Variants in SLC10A1 observed in about 807,000 individuals in gnomAD.
The protein encoded by SLC10A1 is hepatic sodium/bile acid cotransporter.
A neutral mutation model predicts 20.5 loss-of-function variants in SLC10A1; 36 were observed. The observed-to-expected ratio is 1.75, with a 90% CI of 1.34 to 2.32. The LOEUF (loss-of-function observed/expected upper bound fraction) is 2.32, where lower values mean the gene tolerates loss of function less well. Among genes scored for constraint, SLC10A1 ranks in the 30% most tolerant of loss-of-function variants. The probability of loss-of-function intolerance (pLI) is 0.00; values close to 1 mark genes in which losing one functional copy is unlikely to be tolerated. For synonymous variants in SLC10A1, 188 were observed against 163.6 expected (o/e 1.15, Z -1.14); for missense variants, 545 against 439.1 (o/e 1.24, Z -2.16).
intron 4 of SLC10A1, among the ~76,000 whole-genome samples, chr14:69,777,316 A>T (rs1211565374): frequency 6.6e-6 from 1 of 152,256 alleles, no homozygotes; most frequent in African/African-American, 2.4e-5. Flanking sequence ...CTGCTTGGCA[A>T]CCTAATTACA....
rs1451576888 is a variant in SLC10A1, at chr14:69,779,348, T to G, written c.580A>C (p.Ile194Leu). Residue 194 changes from isoleucine to leucine, a missense_variant, in exon 3 of 5, where the codon ATC becomes CTC. By Grantham distance (5) the Ile-to-Leu change is conservative (BLOSUM62 2). Transcript: ENST00000216540. ...ACGGCCACACTGCACAAGAGAATGA[T>G]GATCATCCCTCCCTGGGAATGAAGA... ...MRYVIKGGMIIILLCSVAVTV... is the reference protein window; with the variant it reads ...MRYVIKGGMILILLCSVAVTV... 1.9e-6 allele frequency: 3 copies of G among 1,609,858 alleles called. No homozygotes were observed. The highest frequency in any genetic ancestry group is 1.7e-5 in the Admixed American group (1 of 59,856).
At chr14:69,781,884 G>A (rs565172579) in intron 2 of SLC10A1, among the ~76,000 whole-genome samples, 2 of 152,178 alleles carry the variant, frequency 1.3e-5, no homozygotes, top group African/African-American at 2.4e-5. Context: ...GGTTGAACCC[G>A]GTGTGAGCAG....
chr14:69,791,347 T>C (rs1287122980), intron 1 of SLC10A1, among the ~76,000 whole-genome samples: 3 of 151,704 alleles, frequency 2.0e-5, no homozygotes, highest in African/African-American at 7.3e-5. Flanking sequence ...GTCACCCAGG[T>C]TGGAGTGCAG....
intron 1 of SLC10A1, among the ~76,000 whole-genome samples, chr14:69,788,017 G>GCCACT (rs1555352871): frequency 6.6e-6 from 1 of 151,870 alleles, no homozygotes; most frequent in Non-Finnish European, 1.5e-5. Flanking sequence ...CTATGTTAGC[G>GCCACT]CCACTCCACT....
intron 1 of SLC10A1, among the ~76,000 whole-genome samples, chr14:69,790,573 TCAA>T (rs1883812968): frequency 6.6e-6 from 1 of 152,018 alleles, no homozygotes; most frequent in African/African-American, 2.4e-5. Flanking sequence ...TATAGAAAAG[TCAA>T]CAAAATTTAA....
intron 2 of SLC10A1, among the ~76,000 whole-genome samples, chr14:69,785,873 T>G (rs1374741647): frequency 6.6e-6 from 1 of 151,558 alleles, no homozygotes; most frequent in African/African-American, 2.4e-5. Flanking sequence ...CTTCCCAAAG[T>G]GTTGGGATTA....
At chr14:69,787,108 A>G (rs1310970897) in intron 1 of SLC10A1, among the ~76,000 whole-genome samples, 2 of 152,214 alleles carry the variant, frequency 1.3e-5, no homozygotes, top group African/African-American at 4.8e-5. Context: ...TTTGCTTTGC[A>G]TCTTGGATAG....
chr14:69,776,400 A>C lies in SLC10A1; in HGVS notation c.944-12T>G, dbSNP rs774853385. The C allele has an allele frequency of 6.2e-7, 1 of 1,600,548 alleles. No homozygotes were observed. Among genetic ancestry groups the C allele is most frequent in the Admixed American group, 1.7e-5 (1 of 59,994 alleles). On this transcript the variant is annotated splice_polypyrimidine_tract_variant and intron_variant, in intron 4 of 4. Transcript: ENST00000216540. Reference sequence around the variant, plus strand: ...CATTTTTGTTTTATCTGTAAAGTTAAAAAGGGTTACAGGTGTAGAGAGAGA... The same window carrying C: ...CATTTTTGTTTTATCTGTAAAGTTACAAAGGGTTACAGGTGTAGAGAGAGA...
rs1437070918 is a variant in SLC10A1, at chr14:69,778,379, G to GTT, written c.896_897insAA (p.Leu300ThrfsTer21). The GTT allele has an allele frequency of 6.2e-7, 1 of 1,613,412 alleles. No individual in the cohort carries two copies. The highest frequency in any genetic ancestry group is 1.7e-5 in the Admixed American group (1 of 59,892). On this transcript the variant is annotated frameshift_variant, in exon 4 of 5. Coordinates refer to ENST00000216540, the MANE Select transcript of SLC10A1 (RefSeq NM_003049.4). LOFTEE classifies it low-confidence loss of function (END_TRUNC). Reference sequence around the variant, plus strand: ...CATAGCACCAAAATATGGCAATGAGGAGAAGCCCTTCTCCAAGCTGGAAAA... The same window carrying GTT: ...CATAGCACCAAAATATGGCAATGAGGTTAGAAGCCCTTCTCCAAGCTGGAAAA...
chr14:69,783,471 T>A (rs1883644373), intron 2 of SLC10A1, among the ~76,000 whole-genome samples: 1 of 152,124 alleles, frequency 6.6e-6, no homozygotes, highest in Non-Finnish European at 1.5e-5. Flanking sequence ...GTGTTGAGAC[T>A]TAAAGGATGA....
intron 1 of SLC10A1, among the ~76,000 whole-genome samples, chr14:69,795,238 A>T (rs1463073918): frequency 6.6e-6 from 1 of 152,026 alleles, no homozygotes; most frequent in Non-Finnish European, 1.5e-5. Context: ...ACATTGAAAT[A>T]CCTTTCCGTG....
chr14:69,779,059 G>A lies in SLC10A1; in HGVS notation c.746+123C>T, dbSNP rs541961393. 11 of 681,642 alleles carry A rather than the reference G, an allele frequency of 1.6e-5. No homozygotes were observed. In the African/African-American group the frequency reaches 2.0e-4, roughly 12 times the overall value. The allele number at this position is 681,642 out of a possible 1,614,324, so 42.2% of individuals were successfully genotyped here. ...GCCTATAGTCCCAGTTACTTGGGGG[G>A]CTGAGGCAGGAGGATCAGTTAAACC... On this transcript the variant is annotated intron_variant, in intron 3 of 4. Coordinates refer to ENST00000216540, the MANE Select transcript of SLC10A1 (RefSeq NM_003049.4).
At position 69,796,931 on chromosome 14, in the gene SLC10A1, C is replaced by T. The variant is rs4646285; in HGVS notation, c.225G>A (p.Thr75=). ...LVAQYGIMPL[T]AFVLGKVFRL... is the part of the protein sequence containing the mutation. ...GGAAGACCTTGCCCAGCACAAAGGC[C>T]GTGAGGGGCATGATGCCATACTGTG... The change falls in exon 1 of 5, where the codon ACG becomes ACA. Residue 75 remains threonine, a synonymous_variant. Transcript: ENST00000216540. 144,220 of 1,614,094 alleles carry T rather than the reference C, an allele frequency of 0.089. 7,199 individuals are homozygous for T. Among genetic ancestry groups the T allele is most frequent in the Admixed American group, 0.15 (8,764 of 60,008 alleles).
chr14:69,776,080 A>G lies in SLC10A1; in HGVS notation c.*202T>C, dbSNP rs1883438308. The G allele has an allele frequency of 1.8e-6, 1 of 561,202 alleles. No homozygotes were observed. 34.8% of individuals were successfully genotyped at this position (561,202 alleles called of 1,614,324 possible). On this transcript the variant is annotated 3_prime_UTR_variant, in exon 5 of 5. Coordinates refer to ENST00000216540, the MANE Select transcript of SLC10A1 (RefSeq NM_003049.4). ...GAACAAGTCTTTAAAATAAGTAGCA[A>G]ATTCTAAGTTGGGGATAGGTGAGGC... is the stretch of plus-strand genomic sequence containing the variant.
Position 69,797,135 on chromosome 14 carries a change from A to C in SLC10A1, c.21T>G (p.Ser7=). Residue 7 remains serine, a synonymous_variant, in exon 1 of 5, where the codon TCT becomes TCG. Coordinates refer to ENST00000216540, the MANE Select transcript of SLC10A1 (RefSeq NM_003049.4). MEAHNA[S]APFNFTLPPN... ...GTGGCAGGGTGAAGTTGAATGGGGC[A>C]GACGCGTTGTGGGCCTCCATCCTCC... is the stretch of plus-strand genomic sequence containing the variant. 3 of 1,611,744 alleles carry C rather than the reference A, an allele frequency of 1.9e-6. No homozygotes were observed. The highest frequency in any genetic ancestry group is 2.5e-6 in the Non-Finnish European group (3 of 1,178,598).
chr14:69,796,671 C>T, intron 1 of SLC10A1, 129 bp downstream of exon 1: 4 of 769,986 alleles, frequency 5.2e-6, no homozygotes, highest in Non-Finnish European at 8.3e-6. Context: ...GCCAGACTTC[C>T]CCTGCCCTAG....
rs200149939 is a variant in SLC10A1 at position 69,786,111 on chromosome 14, G to A, written c.553C>T (p.Arg185Cys). ...CAGGTTCTTACCTTGATGACATAGC[G>A]CATGTATTGTGGCCGTTTGGATTTG... is the stretch of plus-strand genomic sequence containing the variant. ...VLKSKRPQYMRYVIKGGMIII... is the reference protein window; with the variant it reads ...VLKSKRPQYMCYVIKGGMIII... Residue 185 changes from arginine to cysteine, a missense_variant, in exon 2 of 5, where the codon CGC becomes TGC. Coordinates refer to ENST00000216540, the MANE Select transcript of SLC10A1 (RefSeq NM_003049.4). The A allele has an allele frequency of 5.6e-5, 90 of 1,613,810 alleles. No homozygotes were observed. Among genetic ancestry groups the A allele is most frequent in the East Asian group, 4.5e-4 (20 of 44,892 alleles).
intron 2 of SLC10A1, among the ~76,000 whole-genome samples, 187 bp downstream of exon 2, chr14:69,785,910 A>G (rs1352543311): frequency 6.6e-6 from 1 of 151,688 alleles, no homozygotes; most frequent in Non-Finnish European, 1.5e-5. Flanking sequence ...CGCCAGCCTC[A>G]TGTGTTACTT....
intron 2 of SLC10A1, among the ~76,000 whole-genome samples, chr14:69,781,732 C>G (rs766627152): frequency 6.6e-6 from 1 of 152,204 alleles, no homozygotes; most frequent in Non-Finnish European, 1.5e-5. Flanking sequence ...TTCTCAGATT[C>G]ATCACCCTTT....
Sources: gnomAD v4.1 joint callset for allele counts (sites outside exome capture counted in the v4.1 genomes callset) on GRCh38, gnomAD v4.1.1 for gene constraint, MANE v1.5 for transcripts, NCBI Gene and HGNC (gene_info 2026-07-23, HGNC 2026-07-21) for gene names.